Variants in ZNF76 observed in about 807,000 individuals in gnomAD.
The protein encoded by ZNF76 is zinc finger protein 523.
A neutral mutation model predicts 66.9 loss-of-function variants in ZNF76; 66 were observed. That is an observed-to-expected ratio of 0.99 (90% CI 0.81 to 1.21). ZNF76 has a LOEUF of 1.21. Ranked by LOEUF, ZNF76 falls within the 50% of genes most tolerant of loss-of-function variation. The pLI, the probability that ZNF76 is intolerant of heterozygous loss-of-function variation, is 0.00. For missense variants in ZNF76, 729 were observed against 760.3 expected (o/e 0.96, Z 0.48); for synonymous variants, 275 against 296.1 (o/e 0.93, Z 0.73).
chr6:35,276,118 T>G, intron 1 of ZNF76, among the ~76,000 whole-genome samples: 1 of 152,196 alleles, frequency 6.6e-6, no homozygotes, highest in Non-Finnish European at 1.5e-5. Flanking sequence ...TCCTCATCAG[T>G]TATTTTTAAG....
chr6:35,259,991 C>T (rs1041700508), intron 1 of ZNF76, 150 bp downstream of exon 1: 2 of 151,424 alleles, frequency 1.3e-5, no homozygotes, highest in African/African-American at 4.8e-5. Context: ...CGGGCCCCCT[C>T]CCCCACCCAG....
At chr6:35,278,302 G>T (rs868063641) in intron 1 of ZNF76, among the ~76,000 whole-genome samples, 2 of 152,286 alleles carry the variant, frequency 1.3e-5, no homozygotes, top group Non-Finnish European at 1.5e-5. Flanking sequence ...CCAAGTAGCT[G>T]GGATTACAGG....
At chr6:35,275,851 A>G (rs1172660167) in intron 1 of ZNF76, among the ~76,000 whole-genome samples, 1 of 152,168 alleles carries the variant, frequency 6.6e-6, no homozygotes, top group Non-Finnish European at 1.5e-5. Context: ...TAGGCCAAGA[A>G]GGTCTGGGTT....
intron 1 of ZNF76, among the ~76,000 whole-genome samples, chr6:35,275,522 C>T (rs1280646287): frequency 2.0e-5 from 3 of 152,056 alleles, no homozygotes; most frequent in Non-Finnish European, 4.4e-5. Flanking sequence ...TCAGAGTAAA[C>T]CATCATTGAA....
At chr6:35,283,985 G>T (rs991999023) in intron 2 of ZNF76, among the ~76,000 whole-genome samples, 1 of 152,250 alleles carries the variant, frequency 6.6e-6, no homozygotes, top group Admixed American at 6.5e-5. Flanking sequence ...CGTCAGCAGA[G>T]ACTTGGGCTG....
At chr6:35,271,901 G>A (rs1329624216) in intron 1 of ZNF76, among the ~76,000 whole-genome samples, 1 of 151,948 alleles carries the variant, frequency 6.6e-6, no homozygotes, top group Non-Finnish European at 1.5e-5. Context: ...ACCAGCCTGG[G>A]CAACATAATA....
intron 2 of ZNF76, among the ~76,000 whole-genome samples, chr6:35,283,891 T>C (rs1262492499): frequency 2.0e-5 from 3 of 152,132 alleles, no homozygotes; most frequent in Non-Finnish European, 4.4e-5. Flanking sequence ...CTTACCTGCC[T>C]TTGGTTAGTT....
Position 35,293,866 on chromosome 6 carries a change from G to T in ZNF76, c.1445G>T (p.Gly482Val), listed in dbSNP as rs139911434. 5.0e-5 allele frequency: 81 copies of T among 1,614,004 alleles called. No homozygotes were observed. In the African/African-American group the frequency reaches 9.2e-4, roughly 18 times the overall value. Residue 482 changes from glycine (G) to valine (V), a missense_variant, in exon 12 of 14, where the codon GGC becomes GTC. Transcript: ENST00000373953. ...PSPDADLATSGTHTVTMVSAD... is the reference protein window; with the variant it reads ...PSPDADLATSVTHTVTMVSAD... ...CCTGATGCCGACCTGGCCACATCTG[G>T]CACACATACAGTCACCATGGTCAGC...
chr6:35,280,435 A>ATAG (rs560824818), intron 1 of ZNF76, among the ~76,000 whole-genome samples: 298 of 151,918 alleles, frequency 2.0e-3, no homozygotes, highest in African/African-American at 6.8e-3. Context: ...AAGGCTCCTT[A>ATAG]TAGTTGTCCA....
rs77048827 is a variant in ZNF76, at chr6:35,261,870, C to G, written c.-97+2029C>G. 5.3e-4 allele frequency among the ~76,000 whole-genome samples: 81 copies of G among 152,220 alleles called. No homozygotes were observed. The East Asian group carries it at 0.012, about 22-fold the overall frequency. ...CATGTAACTTGGTGACTTTCTCATC[C>G]TGCTGTTCATGACTTTTGATCTCAT... On this transcript the variant is annotated intron_variant, in intron 1 of 13. Transcript: ENST00000373953.
At chr6:35,291,772 C>G in intron 9 of ZNF76, 35 bp downstream of exon 9, 1 of 1,598,518 alleles carries the variant, frequency 6.3e-7, no homozygotes, top group Non-Finnish European at 8.5e-7. Flanking sequence ...TACCCTCACT[C>G]AGGCCCCAAC....
intron 13 of ZNF76, 52 bp downstream of exon 13, chr6:35,294,621 A>T: frequency 7.9e-7 from 1 of 1,264,316 alleles, no homozygotes; most frequent in Non-Finnish European, 1.2e-6. Context: ...GAAGTCAACA[A>T]GGAATAAAGG....
intron 1 of ZNF76, among the ~76,000 whole-genome samples, chr6:35,272,286 A>G (rs1282863535): frequency 6.6e-6 from 1 of 152,148 alleles, no homozygotes; most frequent in Non-Finnish European, 1.5e-5. Flanking sequence ...TACAAAAATA[A>G]GTAAATAGAG....
rs1419477347 is a variant in ZNF76, at chr6:35,290,828, A to G, written c.625+112A>G. On this transcript the variant is annotated intron_variant, in intron 7 of 13. Coordinates refer to ENST00000373953, the MANE Select transcript of ZNF76 (RefSeq NM_003427.5). ...CTGCTTTCCTGGAGAAACTACCGTC[A>G]GAGTACTCTGACTTGCAGGGTGCTC... 7.8e-6 allele frequency: 8 copies of G among 1,026,024 alleles called. 1 individual carries two copies. The East Asian group carries it at 1.9e-4, about 24-fold the overall frequency. 63.6% of individuals were successfully genotyped at this position (1,026,024 alleles called of 1,614,324 possible).
chr6:35,278,248 A>C (rs1788219163), intron 1 of ZNF76, among the ~76,000 whole-genome samples: 1 of 151,792 alleles, frequency 6.6e-6, no homozygotes. Flanking sequence ...GGCTCACCGC[A>C]ACCTCTGCCT....
intron 1 of ZNF76, among the ~76,000 whole-genome samples, chr6:35,269,634 T>C (rs1011965310): frequency 1.3e-5 from 2 of 152,142 alleles, no homozygotes; most frequent in African/African-American, 4.8e-5. Context: ...CTCTTTGAGG[T>C]TGTAGAACTG....
rs959823532 is a variant in ZNF76 at position 35,291,661 on chromosome 6, C to T, written c.855C>T (p.Tyr285=). Residue 285 remains tyrosine (Y), a synonymous_variant, in exon 9 of 14, where the codon TAC becomes TAT. Transcript: ENST00000373953. ...HVRTHTGERP[Y]TCPEPHCGRG... is the part of the protein sequence containing the mutation. ...GCACCCACACAGGCGAGAGGCCCTA[C>T]ACCTGCCCGGAGCCCCACTGTGGCC... is the stretch of plus-strand genomic sequence containing the variant. The T allele has an allele frequency of 8.7e-6, 14 of 1,613,854 alleles. No homozygotes were observed. The highest frequency in any genetic ancestry group is 6.7e-5 in the Admixed American group (4 of 60,012).
At chr6:35,272,796 C>G (rs1315755054) in intron 1 of ZNF76, among the ~76,000 whole-genome samples, 1 of 152,144 alleles carries the variant, frequency 6.6e-6, no homozygotes, top group Non-Finnish European at 1.5e-5. Context: ...TGCCACCATG[C>G]CTGGCAATTA....
At chr6:35,289,525 A>C (rs1790073148) in intron 5 of ZNF76, among the ~76,000 whole-genome samples, 1 of 152,194 alleles carries the variant, frequency 6.6e-6, no homozygotes, top group South Asian at 2.1e-4. Flanking sequence ...TCTAGAAAGA[A>C]AGACTAAGGG....
Sources: gnomAD v4.1 joint callset for allele counts (sites outside exome capture counted in the v4.1 genomes callset) on GRCh38, gnomAD v4.1.1 for gene constraint, MANE v1.5 for transcripts, NCBI Gene and HGNC (gene_info 2026-07-23, HGNC 2026-07-21) for gene names.